The following CACNA1B variants were observed in gnomAD, a reference collection of about 807,000 sequenced individuals.
CACNA1B encodes calcium voltage-gated channel subunit alpha1 B.
In CACNA1B, 70 loss-of-function variants were observed where a neutral mutation model predicts 247.2. The observed-to-expected ratio is 0.28, with a 90% CI of 0.23 to 0.35. The LOEUF is 0.35. CACNA1B is among the 10% of genes least tolerant of loss of function. The probability of loss-of-function intolerance (pLI) is 1.00; values close to 1 mark genes in which losing one functional copy is unlikely to be tolerated. For missense variants in CACNA1B, 2,367 were observed against 3,197.4 expected (o/e 0.74, Z 6.26); for synonymous variants, 1,231 against 1,294.4 (o/e 0.95, Z 1.05).
chr9:138,070,812 GT>G (rs1453398766), intron 32 of CACNA1B, among the ~76,000 whole-genome samples: 3 of 152,186 alleles, frequency 2.0e-5, no homozygotes, highest in Non-Finnish European at 4.4e-5. Flanking sequence ...CACCTGACAT[GT>G]TACTCATGCA....
chr9:138,078,252 C>A lies in CACNA1B; in HGVS notation c.5088C>A (p.Ser1696=). 1 of 1,613,980 alleles carries A rather than the reference C, an allele frequency of 6.2e-7. No individual in the cohort carries two copies. Among genetic ancestry groups the A allele is most frequent in the Non-Finnish European group, 8.5e-7 (1 of 1,179,880 alleles). The change falls in exon 36 of 47, where the codon TCC becomes TCA. Residue 1696 remains serine (S), a synonymous_variant. Coordinates refer to ENST00000371372, the MANE Select transcript of CACNA1B (RefSeq NM_000718.4). ...FYFVSFIFLC[S]FLMLNLFVAV... ...TCGTCTCCTTCATCTTCCTGTGCTC[C>A]TTTCTGGTGAGTCCTGGGCACTGTG...
intron 38 of CACNA1B, among the ~76,000 whole-genome samples, chr9:138,105,274 G>T (rs377149386): frequency 6.6e-6 from 1 of 152,204 alleles, no homozygotes; most frequent in African/African-American, 2.4e-5. Flanking sequence ...TTGTCCAGAT[G>T]ATCGAAGTGG....
intron 20 of CACNA1B, among the ~76,000 whole-genome samples, chr9:138,035,690 C>T (rs1395507354): frequency 6.6e-6 from 1 of 151,914 alleles, no homozygotes; most frequent in Non-Finnish European, 1.5e-5. Context: ...TTGATCTTCT[C>T]TGTTGTATTT....
At position 138,118,003 on chromosome 9, in the gene CACNA1B, G is replaced by A. The variant is rs1421074887; in HGVS notation, c.5835G>A (p.Gln1945=). 3 of 1,602,056 alleles carry A rather than the reference G, an allele frequency of 1.9e-6. No homozygotes were observed. The highest frequency in any genetic ancestry group is 2.6e-6 in the Non-Finnish European group (3 of 1,174,012). Residue 1945 remains glutamine (Q), a synonymous_variant, in exon 43 of 47, where the codon CAG becomes CAA. Transcript: ENST00000371372. ...TCTCCTGGGGCACTCAAAGGACCCA[G>A]GATGCACCCCATGAGGCCAGGCCAC... The part of the protein sequence containing the change: ...ESVSWGTQRT[Q]DAPHEARPPL...
At chr9:138,085,632 A>G (rs1265551206) in intron 36 of CACNA1B, among the ~76,000 whole-genome samples, 1 of 151,288 alleles carries the variant, frequency 6.6e-6, no homozygotes, top group Non-Finnish European at 1.5e-5. Flanking sequence ...AAAAACAGCA[A>G]GAGAAAAGCA....
chr9:138,035,309 A>G (rs1959029107), intron 20 of CACNA1B, among the ~76,000 whole-genome samples: 1 of 152,122 alleles, frequency 6.6e-6, no homozygotes, highest in Non-Finnish European at 1.5e-5. Context: ...AAGTACAAAA[A>G]TTAGCTGGGT....
chr9:138,010,856 C>T lies in CACNA1B; in HGVS notation c.2160+779C>T, dbSNP rs1311692545. On this transcript the variant is annotated intron_variant, in intron 17 of 46. Coordinates refer to ENST00000371372, the MANE Select transcript of CACNA1B (RefSeq NM_000718.4). This position sits in a 1 kb window ranked among gnomAD's most constrained non-coding sequence, Gnocchi z 5.3. ...AGTGTCTCTCCATGCCTTCCCTGTT[C>T]CGGGGCTGAGAGAGGCAGGTTCAGG... is the stretch of plus-strand genomic sequence containing the variant. Among the ~76,000 whole-genome samples, 2 of 152,196 alleles carry T rather than the reference C, an allele frequency of 1.3e-5. No homozygotes were observed. The highest frequency in any genetic ancestry group is 4.8e-5 in the African/African-American group (2 of 41,440).
intron 12 of CACNA1B, among the ~76,000 whole-genome samples, chr9:137,978,404 C>A (rs1241139152): frequency 6.7e-6 from 1 of 149,016 alleles, no homozygotes; most frequent in Admixed American, 6.7e-5. Context: ...TACCCTGCCC[C>A]CCCCAGGAAG....
In CACNA1B at chr9:137,952,315, C is replaced by A; in HGVS notation, c.1008C>A (p.Phe336Leu). 2 of 1,613,828 alleles carry A rather than the reference C, an allele frequency of 1.2e-6. No individual in the cohort carries two copies. Among genetic ancestry groups the A allele is most frequent in the Non-Finnish European group, 1.7e-6 (2 of 1,179,814 alleles). The change falls in exon 7 of 47, where the codon TTC becomes TTA. Residue 336 changes from phenylalanine to leucine, a missense_variant. By Grantham distance (22) the Phe-to-Leu change is conservative. This residue lies in a region of CACNA1B where 32 missense variants were observed against 37.2 expected (regional missense o/e 0.86). Transcript: ENST00000371372. This position sits in a 1 kb window ranked among gnomAD's most constrained non-coding sequence, Gnocchi z 4.8. ...GCAACACCTGGAACTGGCTCTACTT[C>A]ATCCCTCTCATCATCATCGGCTCCT... is the stretch of plus-strand genomic sequence containing the variant. ...AAGNTWNWLY[F>L]IPLIIIGSFF...
rs761122355 is a variant in CACNA1B at position 138,052,042 on chromosome 9, G to T, written c.3711-50G>T. ...ACCCTGGGGGGCCACGTGGGAGCTG[G>T]GCACACCCATGCCTCCTGCCTGTCT... is the stretch of plus-strand genomic sequence containing the variant. On this transcript the variant is annotated intron_variant, in intron 24 of 46. Transcript: ENST00000371372. This position sits in a 1 kb window ranked among gnomAD's most constrained non-coding sequence, Gnocchi z 5.1. 9.1e-7 allele frequency: 1 copy of T among 1,098,504 alleles called. No homozygotes were observed. Among genetic ancestry groups the T allele is most frequent in the Non-Finnish European group, 1.4e-6 (1 of 721,422 alleles). The allele number at this position is 1,098,504 out of a possible 1,614,324, so 68.0% of individuals were successfully genotyped here. A position where few individuals can be genotyped will look rare whatever the true frequency, so the allele number is the denominator to read the frequency against.
chr9:137,878,243 G>A (rs779399989), intron 1 of CACNA1B, 26 bp downstream of exon 1: 1 of 1,231,832 alleles, frequency 8.1e-7, no homozygotes, highest in Non-Finnish European at 1.0e-6. Context: ...GGGCCGGGCG[G>A]GGCCGGGCGG....
At chr9:137,901,892 T>C (rs1957244742) in intron 3 of CACNA1B, among the ~76,000 whole-genome samples, 1 of 152,080 alleles carries the variant, frequency 6.6e-6, no homozygotes, top group African/African-American at 2.4e-5. Context: ...GGTTTCACCA[T>C]GTTGGTCAGG....
chr9:137,930,832 A>G (rs552659451), intron 6 of CACNA1B, among the ~76,000 whole-genome samples: 2 of 152,176 alleles, frequency 1.3e-5, no homozygotes, highest in Admixed American at 1.3e-4. Context: ...TTATCATTAT[A>G]TACATGTTTC....
chr9:137,883,910 A>AT (rs1262607441), intron 3 of CACNA1B, among the ~76,000 whole-genome samples: 1 of 149,844 alleles, frequency 6.7e-6, no homozygotes, highest in African/African-American at 2.5e-5. Context: ...GGGTATATGG[A>AT]GGGGTGTTTG....
rs1259479492 is a variant in CACNA1B, at chr9:138,014,686, C to G, written c.2267+1451C>G. Among the ~76,000 whole-genome samples, 1 of 152,094 alleles carries G rather than the reference C, an allele frequency of 6.6e-6. No homozygotes were observed. Among genetic ancestry groups the G allele is most frequent in the Non-Finnish European group, 1.5e-5 (1 of 68,014 alleles). ...GCGAGTGGTGTGTTCAGCTCCTGGC[C>G]TCGCGCAGGCCTCGTGTTGTTCTCC... On this transcript the variant is annotated intron_variant, in intron 18 of 46. Transcript: ENST00000371372. The surrounding 1 kb of genome is among the most constrained non-coding windows in gnomAD (Gnocchi z 6.2).
At chr9:137,932,055 C>T (rs993472522) in intron 6 of CACNA1B, among the ~76,000 whole-genome samples, 2 of 152,120 alleles carry the variant, frequency 1.3e-5, no homozygotes, top group African/African-American at 4.8e-5. Context: ...AAGACATAAG[C>T]CACCTTTTTA....
At position 138,023,375 on chromosome 9, in the gene CACNA1B, G is replaced by A. The variant is rs1297331194; in HGVS notation, c.2632G>A (p.Glu878Lys). The change falls in exon 19 of 47, where the codon GAG becomes AAG. Residue 878 changes from glutamate (E) to lysine (K), a missense_variant. This residue lies in a region of CACNA1B where 631 missense variants were observed against 631.1 expected (regional missense o/e 1.00). Transcript: ENST00000371372. The stretch of plus-strand genomic sequence containing the variant: ...AGAGGCCCCGAAGGCGGAGAGCGGG[G>A]AGCCCGGTGCCCGGGAGGAGCGGCC... ...RAEAPKAESG[E>K]PGAREERPRP... The A allele has an allele frequency of 7.2e-7, 1 of 1,395,830 alleles. No homozygotes were observed. Among genetic ancestry groups the A allele is most frequent in the Middle Eastern group, 2.5e-4 (1 of 4,048 alleles). 86.5% of individuals were successfully genotyped at this position (1,395,830 alleles called of 1,614,324 possible).
intron 26 of CACNA1B, among the ~76,000 whole-genome samples, chr9:138,055,180 GCA>G (rs940834735): frequency 2.0e-4 from 30 of 149,580 alleles, no homozygotes; most frequent in African/African-American, 7.4e-4. Flanking sequence ...AGGCTGGAGT[GCA>G]GTGCTGCTAT....
chr9:138,004,801 A>T (rs939401716), intron 15 of CACNA1B, among the ~76,000 whole-genome samples: 6 of 151,556 alleles, frequency 4.0e-5, no homozygotes, highest in African/African-American at 1.5e-4. Flanking sequence ...AAAAACAAAT[A>T]ATCACATTTA....
Sources: allele counts gnomAD v4.1 joint callset (sites outside exome capture counted in the v4.1 genomes callset), GRCh38; gene constraint gnomAD v4.1.1; regional missense constraint gnomAD v4.1.1; non-coding constraint Gnocchi (gnomAD v3.1); transcripts MANE v1.5; gene names NCBI Gene and HGNC (gene_info 2026-07-23, HGNC 2026-07-21).